Variants in RAP1GAP2 observed in about 807,000 individuals in gnomAD.
RAP1GAP2 encodes the protein RAP1 GTPase activating protein 2.
A neutral mutation model predicts 95.0 loss-of-function variants in RAP1GAP2; 27 were observed. The observed-to-expected ratio is 0.28, with a 90% CI of 0.21 to 0.39. RAP1GAP2 has a LOEUF of 0.39. Among genes scored for constraint, RAP1GAP2 ranks in the 10% least tolerant of loss-of-function variants. The pLI is 1.00. For missense variants in RAP1GAP2, 771 were observed against 970.0 expected (o/e 0.79, Z 2.72); for synonymous variants, 373 against 380.9 (o/e 0.98, Z 0.24).
At chr17:3,021,675 T>C (rs2046966737) in intron 19 of RAP1GAP2, among the ~76,000 whole-genome samples, 5 of 152,206 alleles carry the variant, frequency 3.3e-5, no homozygotes, top group Admixed American at 2.6e-4. Context: ...CCTCAAGTGA[T>C]CCACCCGCCT....
intron 8 of RAP1GAP2, among the ~76,000 whole-genome samples, chr17:2,976,094 T>C (rs187124068): frequency 1.3e-5 from 2 of 152,228 alleles, no homozygotes; most frequent in East Asian, 3.9e-4. Flanking sequence ...AAAGCAAAAC[T>C]GAGAGAAATA....
intron 10 of RAP1GAP2, among the ~76,000 whole-genome samples, chr17:2,981,621 G>A (rs1404308891): frequency 1.3e-5 from 2 of 152,152 alleles, no homozygotes; most frequent in African/African-American, 4.8e-5. Flanking sequence ...GGGGCGGGAA[G>A]TACAGCAGGC....
At chr17:2,883,492 A>G (rs1646771703) in intron 2 of RAP1GAP2, among the ~76,000 whole-genome samples, 1 of 152,056 alleles carries the variant, frequency 6.6e-6, no homozygotes, top group Non-Finnish European at 1.5e-5. Context: ...ATGGAGAGGG[A>G]AGCGCCTTCG....
chr17:2,920,063 G>T (rs2042705685), intron 3 of RAP1GAP2, among the ~76,000 whole-genome samples: 1 of 149,004 alleles, frequency 6.7e-6, no homozygotes, highest in Non-Finnish European at 1.5e-5. Context: ...GGAGTACAGT[G>T]GTGCGATCAG....
rs1251705888 is a variant in RAP1GAP2, at chr17:3,035,854, A to G, written c.*2493A>G. The G allele has an allele frequency of 1.3e-5, 2 of 152,316 alleles. No individual in the cohort carries two copies. The highest frequency in any genetic ancestry group is 3.9e-4 in the East Asian group (2 of 5,170). The allele number at this position is 152,316 out of a possible 1,614,324, so 9.4% of individuals were successfully genotyped here. A position where few individuals can be genotyped will look rare whatever the true frequency, so the allele number is the denominator to read the frequency against. ...TCTGATCTAAAATGTCTTTCCTTTT[A>G]TGCTGCGCCCAGTCTTGGGGCTCAA... On this transcript the variant is annotated 3_prime_UTR_variant, in exon 25 of 25. Transcript: ENST00000254695. This position sits in a 1 kb window ranked among gnomAD's most constrained non-coding sequence, Gnocchi z 4.3.
At chr17:2,968,070 C>T (rs544698647) in intron 8 of RAP1GAP2, among the ~76,000 whole-genome samples, 132 of 152,188 alleles carry the variant, frequency 8.7e-4, no homozygotes, top group South Asian at 1.9e-3. Flanking sequence ...TAGAGAATAA[C>T]AGAGTTTTGA....
chr17:2,983,518 T>C (rs1347941687), intron 10 of RAP1GAP2, among the ~76,000 whole-genome samples: 1 of 152,238 alleles, frequency 6.6e-6, no homozygotes, highest in Non-Finnish European at 1.5e-5. Context: ...TCGTAGCAAA[T>C]AATTACTTCA....
Position 2,991,367 on chromosome 17 carries a change from G to A in RAP1GAP2, c.884G>A (p.Gly295Glu). 1 of 1,604,530 alleles carries A rather than the reference G, an allele frequency of 6.2e-7. No individual in the cohort carries two copies. Among genetic ancestry groups the A allele is most frequent in the South Asian group, 1.1e-5 (1 of 88,686 alleles). ...TTTAAGGAGTTCTTGGACCTGCTGG[G>A]GGACACGATCACACTGCAGGATTTC... ...PAFKEFLDLL[G>E]DTITLQDFKG... The change falls in exon 12 of 25, where the codon GGG becomes GAG. Residue 295 changes from glycine (G) to glutamate (E), a missense_variant. Coordinates refer to ENST00000254695, the MANE Select transcript of RAP1GAP2 (RefSeq NM_015085.5).
At chr17:2,929,580 G>C (rs1597639708) in intron 3 of RAP1GAP2, among the ~76,000 whole-genome samples, 1 of 152,264 alleles carries the variant, frequency 6.6e-6, no homozygotes, top group African/African-American at 2.4e-5. Context: ...TCAACACGGG[G>C]AGCAGGTGAG....
At chr17:2,927,375 G>C (rs150613551) in intron 3 of RAP1GAP2, among the ~76,000 whole-genome samples, 7,250 of 151,564 alleles carry the variant, frequency 0.048, 475 homozygotes, top group African/African-American at 0.15. Flanking sequence ...GGATGGTCTC[G>C]ATCTCCTGAC....
intron 8 of RAP1GAP2, among the ~76,000 whole-genome samples, chr17:2,973,235 G>A (rs188343213): frequency 8.2e-4 from 125 of 152,294 alleles, no homozygotes; most frequent in Middle Eastern, 3.4e-3. Flanking sequence ...TCACTCTGGC[G>A]CCGGGCGTGG....
chr17:2,925,066 T>C lies in RAP1GAP2; in HGVS notation c.165+19698T>C, dbSNP rs575626778. Among the ~76,000 whole-genome samples the C allele has an allele frequency of 4.1e-4, 63 of 152,284 alleles. 1 individual carries two copies. Among genetic ancestry groups the C allele is most frequent in the African/African-American group, 1.1e-3 (45 of 41,570 alleles). On this transcript the variant is annotated intron_variant, in intron 3 of 24. Transcript: ENST00000254695. The stretch of plus-strand genomic sequence containing the variant: ...TGAGTGCCCCTTGGCGGTGGTCAGT[T>C]CCGTGGTCTGGAGAGCTGGGCTGTG...
chr17:2,814,969 C>T (rs571352827), intron 2 of RAP1GAP2, among the ~76,000 whole-genome samples: 31 of 152,220 alleles, frequency 2.0e-4, no homozygotes, highest in Admixed American at 1.4e-3. Flanking sequence ...AGGGACAGCC[C>T]CTGTCCCACC....
intron 9 of RAP1GAP2, among the ~76,000 whole-genome samples, chr17:2,980,714 C>T (rs983203240): frequency 6.6e-6 from 1 of 152,072 alleles, no homozygotes; most frequent in Non-Finnish European, 1.5e-5. Flanking sequence ...GGGGTGAGGG[C>T]GGGTGGCCTG....
intron 17 of RAP1GAP2, among the ~76,000 whole-genome samples, chr17:3,009,924 G>A (rs768872379): frequency 4.6e-5 from 7 of 152,134 alleles, no homozygotes; most frequent in Non-Finnish European, 8.8e-5. Context: ...GGGGAAGGCA[G>A]GAAGGGGGGC....
At position 2,900,136 on chromosome 17, in the gene RAP1GAP2, A is replaced by C. The variant is rs559717854; in HGVS notation, c.81-5148A>C. On this transcript the variant is annotated intron_variant, in intron 2 of 24. Transcript: ENST00000254695. Reference sequence around the variant, plus strand: ...AAAGGGGAGTTTCAGGCTTTGGGAGAACCCCGTGTGGAGGGGGCCTTACAC... The same window carrying C: ...AAAGGGGAGTTTCAGGCTTTGGGAGCACCCCGTGTGGAGGGGGCCTTACAC... Among the ~76,000 whole-genome samples, 6 of 152,186 alleles carry C rather than the reference A, an allele frequency of 3.9e-5. No homozygotes were observed. In the East Asian group the frequency reaches 1.2e-3, roughly 30 times the overall value.
chr17:2,897,329 A>G (rs1328500341), intron 2 of RAP1GAP2, among the ~76,000 whole-genome samples: 1 of 151,680 alleles, frequency 6.6e-6, no homozygotes, highest in Non-Finnish European at 1.5e-5. Flanking sequence ...CAAGAGTGAA[A>G]CTCCGTCTCA....
chr17:3,007,760 G>A (rs2046381758), intron 16 of RAP1GAP2, among the ~76,000 whole-genome samples: 1 of 152,098 alleles, frequency 6.6e-6, no homozygotes, highest in Admixed American at 6.5e-5. Flanking sequence ...CCACCAGGGT[G>A]GAGCTGTGGC....
At chr17:2,920,560 T>C (rs2042727796) in intron 3 of RAP1GAP2, among the ~76,000 whole-genome samples, 1 of 152,208 alleles carries the variant, frequency 6.6e-6, no homozygotes, top group Non-Finnish European at 1.5e-5. Flanking sequence ...CTGTGTGACA[T>C]CGTGCAGTTC....
Sources: gnomAD v4.1 joint callset for allele counts (sites outside exome capture counted in the v4.1 genomes callset) on GRCh38, gnomAD v4.1.1 for gene constraint, Gnocchi (gnomAD v3.1) non-coding constraint, MANE v1.5 for transcripts, NCBI Gene and HGNC (gene_info 2026-07-23, HGNC 2026-07-21) for gene names.